Variants in MDGA2 observed in about 807,000 individuals in gnomAD.
MDGA2 encodes MAM domain containing glycosylphosphatidylinositol anchor 2.
A neutral mutation model predicts 117.8 loss-of-function variants in MDGA2; 40 were observed. The ratio of observed to expected loss-of-function variants is 0.34; its 90% CI spans 0.26 to 0.44. The LOEUF (loss-of-function observed/expected upper bound fraction) is 0.44. MDGA2 is among the 20% of genes least tolerant of loss of function. MDGA2 has a pLI of 1.00. For missense variants in MDGA2, 1,123 were observed against 1,250.6 expected (o/e 0.90, Z 1.54); for synonymous variants, 452 against 439.0 (o/e 1.03, Z -0.37).
chr14:46,924,556 ATATC>A (rs1884254069), intron 9 of MDGA2, among the ~76,000 whole-genome samples: 1 of 152,196 alleles, frequency 6.6e-6, no homozygotes, highest in South Asian at 2.1e-4. Flanking sequence ...AAATTTAGGG[ATATC>A]TATCAATTTT....
chr14:47,426,545 A>T (rs1036980169), intron 1 of MDGA2, among the ~76,000 whole-genome samples: 1 of 151,840 alleles, frequency 6.6e-6, no homozygotes, highest in South Asian at 2.1e-4. Context: ...TAGTATTACT[A>T]GTTAGATAAT....
At chr14:46,850,548 A>T (rs2138286337) in intron 15 of MDGA2, among the ~76,000 whole-genome samples, 1 of 152,002 alleles carries the variant, frequency 6.6e-6, no homozygotes, top group East Asian at 1.9e-4. Context: ...TGTCACTTTG[A>T]AAAACTTCAG....
At chr14:47,531,638 T>C (rs974429272) in intron 1 of MDGA2, among the ~76,000 whole-genome samples, 3 of 151,608 alleles carry the variant, frequency 2.0e-5, no homozygotes, top group African/African-American at 7.3e-5. Context: ...ACTGTTGTCA[T>C]TCTATAGCAC....
At chr14:47,007,429 G>A (rs1415001085) in intron 8 of MDGA2, among the ~76,000 whole-genome samples, 2 of 151,652 alleles carry the variant, frequency 1.3e-5, no homozygotes, top group Non-Finnish European at 3.0e-5. Flanking sequence ...GGTAAGTGAA[G>A]GTAACAAGAA....
chr14:47,392,154 T>G (rs1368784806), intron 1 of MDGA2, among the ~76,000 whole-genome samples: 2 of 152,052 alleles, frequency 1.3e-5, no homozygotes, highest in Non-Finnish European at 2.9e-5. Flanking sequence ...GAATAATGAA[T>G]GTACAAGAAA....
At chr14:46,929,577 A>T (rs1331653590) in intron 9 of MDGA2, among the ~76,000 whole-genome samples, 1 of 60,636 alleles carries the variant, frequency 1.6e-5, no homozygotes, top group African/African-American at 6.8e-5. Context: ...TCAAGTATAT[A>T]TACGTGTGTG....
intron 2 of MDGA2, among the ~76,000 whole-genome samples, chr14:47,245,432 G>A (rs1887205754): frequency 6.6e-6 from 1 of 151,828 alleles, no homozygotes. Context: ...AAGCTTTGGT[G>A]AAGTCAAAAA....
intron 2 of MDGA2, among the ~76,000 whole-genome samples, chr14:47,269,273 C>T (rs563115025): frequency 8.5e-5 from 13 of 152,140 alleles, no homozygotes; most frequent in African/African-American, 3.1e-4. Context: ...CCCTTTGAAA[C>T]GATCCATGGT....
intron 1 of MDGA2, among the ~76,000 whole-genome samples, chr14:47,517,100 T>C (rs971834719): frequency 2.0e-5 from 3 of 152,216 alleles, no homozygotes; most frequent in African/African-American, 7.2e-5. Context: ...TTTTCACATA[T>C]GATTATTTAT....
In MDGA2 at chr14:47,655,801, C is replaced by T. The variant is rs563759402; in HGVS notation, c.280+18716G>A. On this transcript the variant is annotated intron_variant, in intron 1 of 16. Transcript: ENST00000399232. The stretch of plus-strand genomic sequence containing the variant: ...TATTTACCAGTGCCACAGAAGGATG[C>T]TGGCTTGGACTGTGGCTTAGGGCAG... Among the ~76,000 whole-genome samples, 84 of 152,230 alleles carry T rather than the reference C, an allele frequency of 5.5e-4. 3 individuals carry two copies. The South Asian group carries it at 8.1e-3, about 15-fold the overall frequency.
At chr14:47,104,449 C>T (rs1594624786) in intron 5 of MDGA2, among the ~76,000 whole-genome samples, 2 of 130,220 alleles carry the variant, frequency 1.5e-5, no homozygotes, top group Admixed American at 7.6e-5. Flanking sequence ...TGTGACCCCC[C>T]ACTCCTGCCC....
At chr14:47,326,180 T>A (rs922547167) in intron 1 of MDGA2, among the ~76,000 whole-genome samples, 6 of 152,156 alleles carry the variant, frequency 3.9e-5, no homozygotes, top group Non-Finnish European at 7.4e-5. Flanking sequence ...ACATCCTATA[T>A]CTGCAAGTCA....
At chr14:47,341,090 A>G (rs1407979782) in intron 1 of MDGA2, among the ~76,000 whole-genome samples, 1 of 152,160 alleles carries the variant, frequency 6.6e-6, no homozygotes, top group African/African-American at 2.4e-5. Context: ...TCTATATAAG[A>G]AACTGCATTC....
intron 1 of MDGA2, among the ~76,000 whole-genome samples, chr14:47,402,403 AT>A (rs1471145175): frequency 7.4e-6 from 1 of 134,774 alleles, no homozygotes; most frequent in East Asian, 2.0e-4. Context: ...TAAAGCCATG[AT>A]TCTCTAACAG....
At chr14:46,919,384 C>T (rs1884035509) in intron 10 of MDGA2, among the ~76,000 whole-genome samples, 1 of 152,142 alleles carries the variant, frequency 6.6e-6, no homozygotes, top group Admixed American at 6.5e-5. Flanking sequence ...ATGTAAAGAC[C>T]TCCACTTAAA....
intron 1 of MDGA2, among the ~76,000 whole-genome samples, chr14:47,409,056 G>A (rs902741845): frequency 2.6e-5 from 4 of 152,154 alleles, no homozygotes; most frequent in African/African-American, 9.7e-5. Flanking sequence ...ACGGCATGTG[G>A]CGATAAAACC....
chr14:47,393,082 C>A (rs1891932262), intron 1 of MDGA2, among the ~76,000 whole-genome samples: 2 of 130,850 alleles, frequency 1.5e-5, no homozygotes, highest in Admixed American at 8.7e-5. Flanking sequence ...ACCAAAGAAA[C>A]CAGATAATTA....
chr14:47,115,351 A>G (rs1383174840), intron 5 of MDGA2, among the ~76,000 whole-genome samples: 1 of 151,998 alleles, frequency 6.6e-6, no homozygotes, highest in Non-Finnish European at 1.5e-5. Flanking sequence ...TTTAATGGAT[A>G]TGTGTGCATT....
At chr14:47,485,329 TGA>T (rs1894037831) in intron 1 of MDGA2, among the ~76,000 whole-genome samples, 2 of 152,050 alleles carry the variant, frequency 1.3e-5, no homozygotes, top group Non-Finnish European at 2.9e-5. Flanking sequence ...ACTTTGAACT[TGA>T]GAGAGTGATT....
Sources: gnomAD v4.1 joint callset for allele counts (sites outside exome capture counted in the v4.1 genomes callset) on GRCh38, gnomAD v4.1.1 for gene constraint, MANE v1.5 for transcripts, NCBI Gene and HGNC (gene_info 2026-07-23, HGNC 2026-07-21) for gene names.